UQCC2: variants seen among roughly 807,000 people sequenced by gnomAD.
The protein encoded by UQCC2 is ubiquinol-cytochrome c reductase complex assembly factor 2.
A neutral mutation model predicts 19.9 loss-of-function variants in UQCC2; 21 were observed. That is an observed-to-expected ratio of 1.05 (90% CI 0.75 to 1.52). The LOEUF (loss-of-function observed/expected upper bound fraction) is 1.52, where lower values mean the gene tolerates loss of function less well. Ranked by LOEUF, UQCC2 falls within the 40% of genes most tolerant of loss-of-function variation. The probability of loss-of-function intolerance (pLI) is 0.00; values close to 1 mark genes in which losing one functional copy is unlikely to be tolerated. For synonymous variants in UQCC2, 57 were observed against 60.9 expected (o/e 0.94, Z 0.30); for missense variants, 135 against 157.5 (o/e 0.86, Z 0.76).
intron 3 of UQCC2, chr6:33,698,167 G>A (rs958509644): frequency 3.5e-5 from 6 of 170,588 alleles, no homozygotes. Flanking sequence ...TGTGGAAACT[G>A]AGGCAGGAGG....
In UQCC2 at chr6:33,700,476, G is replaced by T. The variant is rs761334097; in HGVS notation, c.251C>A (p.Ser84Ter). 6.2e-7 allele frequency: 1 copy of T among 1,614,174 alleles called. No homozygotes were observed. Residue 84 changes from serine (S) to a stop codon, truncating the protein, a stop_gained, in exon 3 of 4, where the codon TCG becomes TAG. Transcript: ENST00000607484. LOFTEE classifies it high-confidence loss of function. Reference protein sequence around the residue: ...RPRDTSFSGLSLEEYKLILST... With the variant: ...RPRDTSFSGL ...CAGGATCAGCTTGTACTCTTCCAAC[G>T]ACAGGCCACTGAAGCTGGTGTCTCT...
rs1294688368 is a variant in UQCC2, at chr6:33,705,030, C to CT, written c.139-3611dup. Among the ~76,000 whole-genome samples the CT allele has an allele frequency of 3.7e-5, 5 of 134,366 alleles. No homozygotes were observed. The East Asian group carries it at 1.2e-3, about 33-fold the overall frequency. 88.1% of individuals were successfully genotyped at this position (134,366 alleles called of 152,430 possible). A position where few individuals can be genotyped will look rare whatever the true frequency, so the allele number is the denominator to read the frequency against. ...GCAAAGTGACCCTCAGGTACTCTCACTTCTTTTTTTTTTTTTTTTTAGATG... is the reference window on the plus strand; with the variant it reads ...GCAAAGTGACCCTCAGGTACTCTCACTTTCTTTTTTTTTTTTTTTTTAGATG... On this transcript the variant is annotated intron_variant, in intron 1 of 3. Coordinates refer to ENST00000607484, the MANE Select transcript of UQCC2 (RefSeq NM_032340.4).
chr6:33,704,582 C>T (rs1191830876), intron 1 of UQCC2, among the ~76,000 whole-genome samples: 2 of 152,182 alleles, frequency 1.3e-5, no homozygotes, highest in Non-Finnish European at 2.9e-5. Flanking sequence ...TGGTCTTCAC[C>T]TGATGGCCGC....
intron 1 of UQCC2, among the ~76,000 whole-genome samples, chr6:33,708,590 G>A (rs779432350): frequency 4.6e-5 from 7 of 152,136 alleles, no homozygotes; most frequent in Non-Finnish European, 1.0e-4. Flanking sequence ...ATGGAAAGAC[G>A]GCATGAGCAG....
At chr6:33,700,611 G>C in intron 2 of UQCC2, 98 bp from the exon 3 acceptor site, 1 of 1,276,652 alleles carries the variant, frequency 7.8e-7, no homozygotes, top group Non-Finnish European at 1.1e-6. Context: ...GGCAACCAGA[G>C]GCCAGGAGGC....
intron 2 of UQCC2, among the ~76,000 whole-genome samples, chr6:33,700,717 C>T (rs1442560963): frequency 1.3e-5 from 2 of 152,200 alleles, no homozygotes; most frequent in African/African-American, 2.4e-5. Context: ...ATAATGTACC[C>T]GTGAGTCCTC....
intron 3 of UQCC2, chr6:33,698,023 G>T (rs1765588605): frequency 4.4e-6 from 2 of 458,950 alleles, no homozygotes; most frequent in East Asian, 4.1e-5. Flanking sequence ...AGCGGGATGT[G>T]CTGCTCGTTG....
intron 1 of UQCC2, among the ~76,000 whole-genome samples, chr6:33,702,139 T>C (rs1765648147): frequency 6.6e-6 from 1 of 152,118 alleles, no homozygotes; most frequent in Non-Finnish European, 1.5e-5. Flanking sequence ...CCTGAGTAAC[T>C]GGGATTAAAG....
At position 33,701,394 on chromosome 6, in the gene UQCC2, C is replaced by G. The variant is rs775440661; in HGVS notation, c.165G>C (p.Gln55His). 4.3e-6 allele frequency: 7 copies of G among 1,613,694 alleles called. No homozygotes were observed. The African/African-American group carries it at 9.3e-5, about 22-fold the overall frequency. The part of the protein sequence containing the change: ...TQVAEPEACD[Q>H]MYESLARLHS... ...GGAGTCGCGCTAAGCTCTCGTACAT[C>G]TGATCACAGGCCTCAGGCTCTGCAA... Residue 55 changes from glutamine (Q) to histidine (H), a missense_variant, in exon 2 of 4, where the codon CAG becomes CAC. Physicochemically the swap from Gln to His is conservative, Grantham distance 24. Transcript: ENST00000607484.
chr6:33,700,591 C>T (rs1225460052), intron 2 of UQCC2, 78 bp from the exon 3 acceptor site: 1 of 1,521,162 alleles, frequency 6.6e-7, no homozygotes, highest in Non-Finnish European at 9.1e-7. Flanking sequence ...TGCATTTCAC[C>T]TAGGCCCTGG....
At chr6:33,704,788 T>C (rs879688334) in intron 1 of UQCC2, among the ~76,000 whole-genome samples, 23 of 152,158 alleles carry the variant, frequency 1.5e-4, no homozygotes, top group African/African-American at 5.5e-4. Context: ...GTTCCCTTCC[T>C]GCTCCAACTT....
At chr6:33,697,815 C>T in intron 3 of UQCC2, 65 bp from the exon 4 acceptor site, 1 of 1,351,846 alleles carries the variant, frequency 7.4e-7, no homozygotes, top group Non-Finnish European at 1.0e-6. Flanking sequence ...ATAGATTGGA[C>T]CCACTGGGCT....
chr6:33,706,489 G>A (rs1200810871), intron 1 of UQCC2, among the ~76,000 whole-genome samples: 2 of 152,080 alleles, frequency 1.3e-5, no homozygotes, highest in African/African-American at 4.8e-5. Flanking sequence ...GGGGCAATGT[G>A]TAAGTGAGAG....
In UQCC2 at chr6:33,697,685, G is replaced by A; in HGVS notation, c.349C>T (p.Pro117Ser). Residue 117 changes from proline to serine, a missense_variant, in exon 4 of 4, where the codon CCC becomes TCC. By Grantham distance (74) the Pro-to-Ser change is moderately conservative (BLOSUM62 -1). Coordinates refer to ENST00000607484, the MANE Select transcript of UQCC2 (RefSeq NM_032340.4). ...MWKKLQEKFAPKGPEEDHKA is the reference protein window; with the variant it reads ...MWKKLQEKFASKGPEEDHKA ...TTATGATCCTCCTCAGGACCCTTGG[G>A]GGCAAACTTCTCCTGCAGTTTCTTC... The A allele has an allele frequency of 6.2e-7, 1 of 1,613,972 alleles. No individual in the cohort carries two copies. Among genetic ancestry groups the A allele is most frequent in the Non-Finnish European group, 8.5e-7 (1 of 1,180,016 alleles).
At chr6:33,705,741 A>G (rs1192827657) in intron 1 of UQCC2, among the ~76,000 whole-genome samples, 1 of 152,212 alleles carries the variant, frequency 6.6e-6, no homozygotes, top group African/African-American at 2.4e-5. Context: ...CAGCACTAAC[A>G]TTCCTGAGCT....
In UQCC2 at chr6:33,701,346, C is replaced by T; in HGVS notation, c.213G>A (p.Lys71=). Residue 71 remains lysine, a splice_region_variant and synonymous_variant, in exon 2 of 4, where the codon AAG becomes AAA. Coordinates refer to ENST00000607484, the MANE Select transcript of UQCC2 (RefSeq NM_032340.4). ...ARLHSNYYKH[K]YPRPRDTSFS... is the part of the protein sequence containing the mutation. Reference sequence around the variant, plus strand: ...ATATAAAAGACTGTGGCCCACTCACCTTGTGTTTGTAGTAGTTTGAATGGA... The same window carrying T: ...ATATAAAAGACTGTGGCCCACTCACTTTGTGTTTGTAGTAGTTTGAATGGA... 1 of 1,612,208 alleles carries T rather than the reference C, an allele frequency of 6.2e-7. No individual in the cohort carries two copies. Among genetic ancestry groups the T allele is most frequent in the Non-Finnish European group, 8.5e-7 (1 of 1,179,236 alleles).
At chr6:33,706,014 A>G (rs898028276) in intron 1 of UQCC2, among the ~76,000 whole-genome samples, 2 of 152,166 alleles carry the variant, frequency 1.3e-5, no homozygotes, top group Non-Finnish European at 2.9e-5. Context: ...TCCCCTGTTC[A>G]GTCGTCAGTA....
rs560880460 is a variant in UQCC2 at position 33,705,993 on chromosome 6, C to A, written c.139-4573G>T. The stretch of plus-strand genomic sequence containing the variant: ...TGTCCTTTATAGCTCTATTTTTGCT[C>A]CTTTTGCATTTCCCCTGTTCAGTCG... On this transcript the variant is annotated intron_variant, in intron 1 of 3. Coordinates refer to ENST00000607484, the MANE Select transcript of UQCC2 (RefSeq NM_032340.4). Among the ~76,000 whole-genome samples, 19 of 152,262 alleles carry A rather than the reference C, an allele frequency of 1.2e-4. No individual in the cohort carries two copies. The South Asian group carries it at 3.7e-3, about 30-fold the overall frequency.
chr6:33,711,407 G>A (rs190159764), intron 1 of UQCC2, 142 bp downstream of exon 1: 48 of 1,234,702 alleles, frequency 3.9e-5, no homozygotes, highest in Non-Finnish European at 4.8e-5. Context: ...GTAGCTCCCT[G>A]GGGGAAAAAG....
Sources: gnomAD v4.1 joint callset for allele counts (sites outside exome capture counted in the v4.1 genomes callset) on GRCh38, gnomAD v4.1.1 for gene constraint, MANE v1.5 for transcripts, NCBI Gene and HGNC (gene_info 2026-07-23, HGNC 2026-07-21) for gene names.